Variants in ZNF385B observed in about 807,000 individuals in gnomAD.
The protein encoded by ZNF385B is zinc finger protein 385B.
In ZNF385B, 23 loss-of-function variants were observed where a neutral mutation model predicts 39.2. The ratio of observed to expected loss-of-function variants is 0.59; its 90% CI spans 0.42 to 0.83. The LOEUF (loss-of-function observed/expected upper bound fraction) is 0.83. ZNF385B is among the 40% of genes least tolerant of loss of function. The pLI is 0.00. For missense variants in ZNF385B, 552 were observed against 598.9 expected (o/e 0.92, Z 0.82); for synonymous variants, 205 against 222.6 (o/e 0.92, Z 0.70).
rs774371729 is a variant in ZNF385B, at chr2:179,769,582, G to A, written c.219C>T (p.His73=). 1.9e-5 allele frequency: 30 copies of A among 1,614,196 alleles called. No homozygotes were observed. The highest frequency in any genetic ancestry group is 2.5e-5 in the Non-Finnish European group (30 of 1,180,036). ...QAQVHSNGKS[H]RKRVKQLSDG... ...CACTCAGCTGCTTCACTCGTTTGCG[G>A]TGGGATTTGCCGTTGGAATGCACCT... The change falls in exon 3 of 10, where the codon CAC becomes CAT. Residue 73 remains histidine, a synonymous_variant. Coordinates refer to ENST00000410066, the MANE Select transcript of ZNF385B (RefSeq NM_152520.6).
At chr2:179,852,050 A>T (rs2105443328) in intron 1 of ZNF385B, among the ~76,000 whole-genome samples, 1 of 152,324 alleles carries the variant, frequency 6.6e-6, no homozygotes, top group East Asian at 1.9e-4. Context: ...GTGAGGCAAG[A>T]AAGACTTCAA....
intron 3 of ZNF385B, among the ~76,000 whole-genome samples, chr2:179,749,065 T>C (rs1575415431): frequency 6.6e-6 from 1 of 152,102 alleles, no homozygotes. Flanking sequence ...ATTTGGTGAA[T>C]TCTTCTTTTT....
chr2:179,483,001 C>A (rs1312982956), intron 6 of ZNF385B, among the ~76,000 whole-genome samples: 1 of 151,302 alleles, frequency 6.6e-6, no homozygotes, highest in Non-Finnish European at 1.5e-5. Flanking sequence ...CAAGTAGTCT[C>A]TACTTGTTTT....
chr2:179,459,603 G>T (rs1347683290), intron 6 of ZNF385B, among the ~76,000 whole-genome samples: 1 of 150,610 alleles, frequency 6.6e-6, no homozygotes, highest in Non-Finnish European at 1.5e-5. Context: ...GTGTGTGTGT[G>T]TGTGTGTGTG....
At chr2:179,454,743 GAAAT>G (rs1217484425) in intron 6 of ZNF385B, among the ~76,000 whole-genome samples, 1 of 151,856 alleles carries the variant, frequency 6.6e-6, no homozygotes, top group African/African-American at 2.4e-5. Flanking sequence ...TGTAAAAAGT[GAAAT>G]AAATAAATAA....
intron 1 of ZNF385B, among the ~76,000 whole-genome samples, chr2:179,778,366 C>T (rs1465599962): frequency 6.6e-6 from 1 of 152,130 alleles, no homozygotes; most frequent in Non-Finnish European, 1.5e-5. Flanking sequence ...TGGAATGTAA[C>T]CATAAACACT....
At chr2:179,823,353 T>G (rs1707510551) in intron 1 of ZNF385B, among the ~76,000 whole-genome samples, 1 of 152,150 alleles carries the variant, frequency 6.6e-6, no homozygotes, top group African/African-American at 2.4e-5. Flanking sequence ...CATAGCAAGT[T>G]TAATTTTATA....
At chr2:179,793,423 G>A (rs958529727) in intron 1 of ZNF385B, among the ~76,000 whole-genome samples, 11 of 152,200 alleles carry the variant, frequency 7.2e-5, no homozygotes, top group Admixed American at 2.0e-4. Context: ...ATCCCCAGGT[G>A]GTGAAGGAGA....
chr2:179,648,340 C>T (rs556863411), intron 3 of ZNF385B, among the ~76,000 whole-genome samples: 1 of 152,128 alleles, frequency 6.6e-6, no homozygotes, highest in South Asian at 2.1e-4. Context: ...TGAGAACCAG[C>T]TTCTCAATCT....
intron 1 of ZNF385B, among the ~76,000 whole-genome samples, chr2:179,835,814 A>G (rs1039882832): frequency 8.6e-5 from 13 of 151,982 alleles, no homozygotes; most frequent in African/African-American, 2.9e-4. Flanking sequence ...TCTGACACCA[A>G]TTCTACTCTA....
chr2:179,602,488 C>T (rs1038673550), intron 3 of ZNF385B, among the ~76,000 whole-genome samples: 3 of 151,976 alleles, frequency 2.0e-5, no homozygotes, highest in South Asian at 2.1e-4. Context: ...TGTGAGCCAT[C>T]GCACCCAGCT....
chr2:179,622,608 T>C (rs903025989), intron 3 of ZNF385B, among the ~76,000 whole-genome samples: 2 of 152,220 alleles, frequency 1.3e-5, no homozygotes. Flanking sequence ...ATAGCAGTTA[T>C]TTACTCTGCA....
intron 3 of ZNF385B, among the ~76,000 whole-genome samples, chr2:179,670,107 C>G (rs868103637): frequency 2.6e-5 from 4 of 151,670 alleles, no homozygotes; most frequent in African/African-American, 7.3e-5. Context: ...CTGGCTAACA[C>G]GGTGAAACCC....
rs2060730834 is a variant in ZNF385B, at chr2:179,553,811, A to C, written c.299-8842T>G. Among the ~76,000 whole-genome samples, 2 of 149,318 alleles carry C rather than the reference A, an allele frequency of 1.3e-5. 1 individual carries two copies. Among genetic ancestry groups the C allele is most frequent in the South Asian group, 4.3e-4 (2 of 4,686 alleles). ...TAATATACTAACAGGCACTGTGGAC[A>C]TCTAGGCAGAAAAAATTTCTTCCCT... On this transcript the variant is annotated intron_variant, in intron 3 of 9. Coordinates refer to ENST00000410066, the MANE Select transcript of ZNF385B (RefSeq NM_152520.6).
chr2:179,613,572 ATGGG>A (rs2106140248), intron 3 of ZNF385B, among the ~76,000 whole-genome samples: 1 of 152,128 alleles, frequency 6.6e-6, no homozygotes, highest in African/African-American at 2.4e-5. Flanking sequence ...AAGGACTAGA[ATGGG>A]GCCTTAGGAC....
chr2:179,612,072 T>C (rs1437158253), intron 3 of ZNF385B, among the ~76,000 whole-genome samples: 1 of 152,186 alleles, frequency 6.6e-6, no homozygotes, highest in Non-Finnish European at 1.5e-5. Flanking sequence ...TGATTCTTAA[T>C]CATTTTAATT....
At chr2:179,493,768 C>A (rs2055768229) in intron 5 of ZNF385B, among the ~76,000 whole-genome samples, 1 of 86,218 alleles carries the variant, frequency 1.2e-5, no homozygotes, top group Non-Finnish European at 2.6e-5. Context: ...TATATGTATA[C>A]ATATATGTAT....
intron 3 of ZNF385B, among the ~76,000 whole-genome samples, chr2:179,583,329 T>C (rs898740393): frequency 3.9e-5 from 6 of 152,168 alleles, no homozygotes; most frequent in African/African-American, 1.4e-4. Context: ...AAACTATCAA[T>C]TTAAGCCATT....
chr2:179,774,545 G>C (rs1413267840), intron 1 of ZNF385B, among the ~76,000 whole-genome samples: 1 of 152,026 alleles, frequency 6.6e-6, no homozygotes, highest in Non-Finnish European at 1.5e-5. Flanking sequence ...ATTCTTAGTA[G>C]AGACAGGGTT....
Sources: allele counts gnomAD v4.1 joint callset (sites outside exome capture counted in the v4.1 genomes callset), GRCh38; gene constraint gnomAD v4.1.1; transcripts MANE v1.5; gene names NCBI Gene and HGNC (gene_info 2026-07-23, HGNC 2026-07-21).